MAP2K4: variants seen among roughly 807,000 people sequenced by gnomAD.
MAP2K4 encodes the protein mitogen-activated protein kinase kinase 4, also known as dual specificity mitogen-activated protein kinase kinase 4.
Under a neutral mutation model 48.5 loss-of-function variants are expected in MAP2K4, and 4 were observed. The ratio of observed to expected loss-of-function variants is 0.08; its 90% confidence interval spans 0.04 to 0.19. MAP2K4 has a LOEUF of 0.19. Ranked by LOEUF, MAP2K4 falls within the 10% of genes least tolerant of loss-of-function variation. The pLI, the probability that MAP2K4 is intolerant of heterozygous loss-of-function variation, is 1.00. For missense variants in MAP2K4, 258 were observed against 493.3 expected (o/e 0.52, Z 4.52); for synonymous variants, 166 against 173.1 (o/e 0.96, Z 0.32).
intron 2 of MAP2K4, among the ~76,000 whole-genome samples, chr17:12,076,859 G>GTGTGTGTGTGTGTGTATTTTT (rs1335945156): frequency 6.6e-6 from 1 of 151,434 alleles, no homozygotes; most frequent in East Asian, 1.9e-4. Flanking sequence ...TTTGTATTTT[G>GTGTGTGTGTGTGTGTATTTTT]TGTGTGTGTG....
chr17:12,054,637 T>C (rs888358989), intron 1 of MAP2K4, among the ~76,000 whole-genome samples: 4 of 152,168 alleles, frequency 2.6e-5, no homozygotes, highest in South Asian at 4.1e-4. Context: ...CCCTGAATAA[T>C]GGAAACTTGA....
intron 2 of MAP2K4, among the ~76,000 whole-genome samples, chr17:12,065,203 A>G (rs927501972): frequency 6.6e-6 from 1 of 151,310 alleles, no homozygotes; most frequent in East Asian, 1.9e-4. Flanking sequence ...ACTCTATGTA[A>G]ATGATGCCTC....
chr17:12,086,209 C>T (rs759512049), intron 3 of MAP2K4, among the ~76,000 whole-genome samples: 1 of 152,172 alleles, frequency 6.6e-6, no homozygotes, highest in Non-Finnish European at 1.5e-5. Flanking sequence ...AGACTGTAGT[C>T]TAATATCTTA....
intron 9 of MAP2K4, among the ~76,000 whole-genome samples, chr17:12,133,428 T>C (rs1371057931): frequency 6.6e-6 from 1 of 152,292 alleles, no homozygotes; most frequent in East Asian, 1.9e-4. Context: ...GAATTTTGCT[T>C]CTAGATTGCC....
At chr17:12,131,809 A>G (rs772475562) in intron 9 of MAP2K4, among the ~76,000 whole-genome samples, 7 of 152,208 alleles carry the variant, frequency 4.6e-5, no homozygotes, top group Admixed American at 3.3e-4. Flanking sequence ...CACACAGTAG[A>G]AGGAGATATT....
Position 12,143,102 on chromosome 17 carries a change from CTTCCCACTG to C in MAP2K4, c.*1846_*1854del. 1 of 233,026 alleles carries C rather than the reference CTTCCCACTG, an allele frequency of 4.3e-6. No homozygotes were observed. The highest frequency in any genetic ancestry group is 8.5e-6 in the Non-Finnish European group (1 of 117,906). The allele number at this position is 233,026 out of a possible 1,614,324, so 14.4% of individuals were successfully genotyped here. A position where few individuals can be genotyped will look rare whatever the true frequency, so the allele number is the denominator to read the frequency against. ...CCCCCACGGTATCCTAAACTTTAGA[CTTCCCACTG>C]TTCTGAAAGGAGACATTGCTCTATG... is the stretch of plus-strand genomic sequence containing the variant. On this transcript the variant is annotated 3_prime_UTR_variant, in exon 11 of 11. Coordinates refer to ENST00000353533, the MANE Select transcript of MAP2K4 (RefSeq NM_003010.4).
At chr17:12,065,682 T>C (rs1240068969) in intron 2 of MAP2K4, among the ~76,000 whole-genome samples, 2 of 152,148 alleles carry the variant, frequency 1.3e-5, no homozygotes, top group Admixed American at 1.3e-4. Context: ...GTGATCTGTC[T>C]GACTCGCCTC....
intron 2 of MAP2K4, among the ~76,000 whole-genome samples, chr17:12,073,537 AT>A (rs749173287): frequency 2.0e-5 from 3 of 152,240 alleles, no homozygotes; most frequent in Non-Finnish European, 2.9e-5. Context: ...AACCATAGGC[AT>A]GTAATGGGCA....
chr17:12,092,081 T>G (rs1198749573), intron 3 of MAP2K4, among the ~76,000 whole-genome samples: 2 of 152,156 alleles, frequency 1.3e-5, no homozygotes, highest in Non-Finnish European at 2.9e-5. Flanking sequence ...TATAAAAAAC[T>G]TAATGTTCTT....
intron 1 of MAP2K4, among the ~76,000 whole-genome samples, chr17:12,049,628 C>T (rs1970071264): frequency 6.6e-6 from 1 of 152,200 alleles, no homozygotes; most frequent in Non-Finnish European, 1.5e-5. Context: ...AGCTGCTTCA[C>T]ATTCAAACTC....
intron 7 of MAP2K4, among the ~76,000 whole-genome samples, chr17:12,116,946 A>G (rs1172212345): frequency 6.6e-6 from 1 of 152,176 alleles, no homozygotes; most frequent in East Asian, 1.9e-4. Flanking sequence ...AGCGCGAGTA[A>G]TGTGTCACTC....
At chr17:12,118,576 T>C (rs996530447) in intron 7 of MAP2K4, among the ~76,000 whole-genome samples, 45 of 152,368 alleles carry the variant, frequency 3.0e-4, no homozygotes, top group Admixed American at 2.2e-3. Context: ...GTTCTGCTTA[T>C]GCTGCAACCG....
intron 5 of MAP2K4, among the ~76,000 whole-genome samples, chr17:12,108,670 T>C (rs1325655747): frequency 6.6e-6 from 1 of 152,086 alleles, no homozygotes; most frequent in African/African-American, 2.4e-5. Context: ...TTAGTTGATA[T>C]ATAAACTAAA....
At chr17:12,062,897 C>T (rs1970496727) in intron 2 of MAP2K4, among the ~76,000 whole-genome samples, 1 of 151,892 alleles carries the variant, frequency 6.6e-6, no homozygotes, top group African/African-American at 2.4e-5. Context: ...CCCACCTCCC[C>T]TCTTCCCTTT....
intron 7 of MAP2K4, among the ~76,000 whole-genome samples, chr17:12,117,909 C>T (rs1033485585): frequency 6.6e-6 from 1 of 152,046 alleles, no homozygotes; most frequent in African/African-American, 2.4e-5. Context: ...AGAAAAACAC[C>T]ACATAATAGC....
At position 12,107,382 on chromosome 17, in the gene MAP2K4, CT is replaced by C. The variant is rs71367383; in HGVS notation, c.514-389del. ...TACTTTATGTATTTTTGTCTTTTTC[CT>C]TTTTTTTTTTTTTTTTTTGGCTAAT... On this transcript the variant is annotated intron_variant, in intron 4 of 10. Coordinates refer to ENST00000353533, the MANE Select transcript of MAP2K4 (RefSeq NM_003010.4). Among the ~76,000 whole-genome samples, 644 of 106,380 alleles carry C rather than the reference CT, an allele frequency of 6.1e-3. 2 individuals are homozygous for C. The highest frequency in any genetic ancestry group is 8.5e-3 in the Admixed American group (92 of 10,838). The allele number at this position is 106,380 out of a possible 152,430, so 69.8% of individuals were successfully genotyped here.
At chr17:12,042,813 C>G (rs893090166) in intron 1 of MAP2K4, among the ~76,000 whole-genome samples, 1 of 152,048 alleles carries the variant, frequency 6.6e-6, no homozygotes. Context: ...TTTGGGAGGC[C>G]GAGGTGGGCG....
intron 7 of MAP2K4, chr17:12,115,986 T>C (rs1182223585): frequency 2.6e-6 from 1 of 391,116 alleles, no homozygotes; most frequent in African/African-American, 2.1e-5. Flanking sequence ...AAGTCTGTTT[T>C]GTGGCACTCT....
At chr17:12,045,019 A>G (rs1412254947) in intron 1 of MAP2K4, among the ~76,000 whole-genome samples, 2 of 152,216 alleles carry the variant, frequency 1.3e-5, no homozygotes, top group Non-Finnish European at 2.9e-5. Flanking sequence ...ATATTTCTCA[A>G]TACCATATTT....
Sources: allele counts gnomAD v4.1 joint callset (sites outside exome capture counted in the v4.1 genomes callset), GRCh38; gene constraint gnomAD v4.1.1; transcripts MANE v1.5; gene names NCBI Gene and HGNC (gene_info 2026-07-23, HGNC 2026-07-21).